Variants in PHF12 observed in about 807,000 individuals in gnomAD.
PHF12 encodes PHD finger protein 12.
PHF12 carries 6 observed loss-of-function variants against 99.8 expected under a neutral mutation model. The observed-to-expected ratio is 0.06, with a 90% CI of 0.03 to 0.12. PHF12 has a LOEUF of 0.12. PHF12 is among the 10% of genes least tolerant of loss of function. The pLI, the probability that PHF12 is intolerant of heterozygous loss-of-function variation, is 1.00. For synonymous variants in PHF12, 480 were observed against 514.9 expected (o/e 0.93, Z 0.92); for missense variants, 954 against 1,300.1 (o/e 0.73, Z 4.09).
In PHF12 at chr17:28,907,581, G is replaced by A. The variant is rs368783828; in HGVS notation, c.2541+9C>T. On this transcript the variant is annotated intron_variant, in intron 13 of 14. Transcript: ENST00000332830. ...GAAAGCTCCCTCCCACCGCATCTCC[G>A]GCCCTCACCTCATCGTAGAATATGC... The A allele has an allele frequency of 4.4e-5, 71 of 1,613,596 alleles. No homozygotes were observed. In the South Asian group the frequency reaches 4.8e-4, roughly 11 times the overall value.
intron 3 of PHF12, 139 bp from the exon 4 acceptor site, chr17:28,924,441 A>G: frequency 8.7e-7 from 1 of 1,155,764 alleles, no homozygotes. Context: ...GGTCACTTGG[A>G]ACACTGGTCT....
Position 28,917,347 on chromosome 17 carries a change from T to C in PHF12, c.1072A>G (p.Ile358Val), listed in dbSNP as rs1251537798. Residue 358 changes from isoleucine to valine, a missense_variant, in exon 7 of 15, where the codon ATC (isoleucine) becomes GTC (valine). By Grantham distance (29) the Ile-to-Val change is conservative. Coordinates refer to ENST00000332830, the MANE Select transcript of PHF12 (RefSeq NM_001033561.2). The part of the protein sequence containing the change: ...HVVKVDFLNR[I>V]HKKHPPNRRV... The stretch of plus-strand genomic sequence containing the variant: ...CGGTTAGGGGGGTGCTTCTTGTGGA[T>C]TCGGTTCAGGAAGTCCACTTTGACG... 6.2e-7 allele frequency: 1 copy of C among 1,613,992 alleles called. No individual in the cohort carries two copies. Among genetic ancestry groups the C allele is most frequent in the Non-Finnish European group, 8.5e-7 (1 of 1,180,024 alleles).
intron 2 of PHF12, among the ~76,000 whole-genome samples, chr17:28,932,900 C>T (rs1233099406): frequency 1.3e-5 from 2 of 151,976 alleles, no homozygotes; most frequent in African/African-American, 2.4e-5. Context: ...GAGCCGAGAC[C>T]GCATCACTGC....
chr17:28,913,043 G>T lies in PHF12; in HGVS notation c.1528C>A (p.Pro510Thr). The change falls in exon 9 of 15, where the codon CCA becomes ACA. Residue 510 changes from proline to threonine, a missense_variant. Around this residue, in one of 8 missense-constraint regions of PHF12, gnomAD observed 392 missense variants for 423.1 expected, o/e 0.93. Transcript: ENST00000332830. ...TCTAGGGCTGGGGACTGGTGGGGTG[G>T]AGAGCAGCTCAGGGAATTCTGGGTG... ...ISTQNSLSCSPPHQSPALEDI... is the reference protein window; with the variant it reads ...ISTQNSLSCSTPHQSPALEDI... 5.6e-6 allele frequency: 9 copies of T among 1,614,174 alleles called. No individual in the cohort carries two copies. Among genetic ancestry groups the T allele is most frequent in the Non-Finnish European group, 7.6e-6 (9 of 1,180,026 alleles).
chr17:28,908,661 G>C, intron 12 of PHF12, 122 bp downstream of exon 12: 1 of 910,740 alleles, frequency 1.1e-6, no homozygotes, highest in Non-Finnish European at 1.7e-6. Context: ...GCTATCCACT[G>C]ATTTAAAGCA....
intron 2 of PHF12, chr17:28,945,150 C>T (rs1598164101): frequency 6.6e-6 from 1 of 152,300 alleles, no homozygotes; most frequent in East Asian, 1.9e-4. Context: ...GGTCCCACTA[C>T]TTGGGAGGCT....
Position 28,950,954 on chromosome 17 carries a change from C to G in PHF12, c.7G>C (p.Glu3Gln), listed in dbSNP as rs1350668186. MW[E>Q]KMETKTIVYD... Reference sequence around the variant, plus strand: ...ACGATCGTCTTGGTCTCCATTTTCTCCCACATTCATCCACCTCCCGGGCTG... The same window carrying G: ...ACGATCGTCTTGGTCTCCATTTTCTGCCACATTCATCCACCTCCCGGGCTG... Residue 3 changes from glutamate (E) to glutamine (Q), a missense_variant, in exon 1 of 15, where the codon GAG becomes CAG. Transcript: ENST00000332830. This position sits in a 1 kb window ranked among gnomAD's most constrained non-coding sequence, Gnocchi z 5.7. 3 of 1,613,820 alleles carry G rather than the reference C, an allele frequency of 1.9e-6. No individual in the cohort carries two copies. The highest frequency in any genetic ancestry group is 2.5e-6 in the Non-Finnish European group (3 of 1,179,912).
At chr17:28,934,581 CCTTTCTTTT>C (rs1459532013) in intron 2 of PHF12, among the ~76,000 whole-genome samples, 7 of 151,426 alleles carry the variant, frequency 4.6e-5, no homozygotes, top group African/African-American at 1.7e-4. Flanking sequence ...AGTGTTTGAA[CCTTTCTTTT>C]CTTTCTTTTT....
intron 2 of PHF12, among the ~76,000 whole-genome samples, chr17:28,928,827 G>A (rs2040333677): frequency 1.3e-5 from 2 of 151,942 alleles, no homozygotes; most frequent in South Asian, 4.1e-4. Flanking sequence ...GCCAGGCATG[G>A]TGGCTTACAC....
chr17:28,908,705 C>A, intron 12 of PHF12, 78 bp downstream of exon 12: 1 of 1,450,480 alleles, frequency 6.9e-7, no homozygotes, highest in Non-Finnish European at 9.6e-7. Context: ...TCACCCCTTT[C>A]TAACTTCTGT....
chr17:28,929,156 T>C (rs1356837803), intron 2 of PHF12, among the ~76,000 whole-genome samples: 19 of 151,668 alleles, frequency 1.3e-4, no homozygotes, highest in Non-Finnish European at 2.9e-5. Context: ...ATTCCTACCA[T>C]TGAGTTCTTG....
At chr17:28,943,793 T>C (rs1191225243) in intron 2 of PHF12, among the ~76,000 whole-genome samples, 1 of 152,234 alleles carries the variant, frequency 6.6e-6, no homozygotes, top group African/African-American at 2.4e-5. Context: ...CAATGGAATA[T>C]TGTTTAGCCA....
chr17:28,920,890 T>C (rs2040151078), intron 5 of PHF12, among the ~76,000 whole-genome samples: 1 of 151,452 alleles, frequency 6.6e-6, no homozygotes, highest in Non-Finnish European at 1.5e-5. Context: ...ATTTATTTTT[T>C]TGAGACGGAG....
intron 2 of PHF12, among the ~76,000 whole-genome samples, chr17:28,940,005 C>A (rs1465474475): frequency 6.6e-6 from 1 of 152,252 alleles, no homozygotes; most frequent in Non-Finnish European, 1.5e-5. Context: ...TTGCTCCCTG[C>A]CCTGCTGTTA....
At chr17:28,909,815 T>C in intron 11 of PHF12, 1 of 528,804 alleles carries the variant, frequency 1.9e-6, no homozygotes, top group Non-Finnish European at 3.4e-6. Context: ...GGTCTCCAAC[T>C]CCTGGGCTCA....
intron 2 of PHF12, among the ~76,000 whole-genome samples, chr17:28,938,682 T>C (rs1303672213): frequency 1.3e-5 from 2 of 152,142 alleles, no homozygotes; most frequent in African/African-American, 4.8e-5. Context: ...CCCCTACTTT[T>C]ACCCTTACCC....
Position 28,921,713 on chromosome 17 carries a change from C to A in PHF12, c.811G>T (p.Val271Phe). Residue 271 changes from valine to phenylalanine, a missense_variant, in exon 5 of 15, where the codon GTC (valine) becomes TTC (phenylalanine). This residue lies in a region of PHF12 where 85 missense variants were observed against 196.6 expected (regional missense o/e 0.43). Transcript: ENST00000332830. ...LDHNGLVPLP[V>F]KVCFTCNRSC... ...CTGTTACACGTGAAGCAGACTTTGA[C>A]GGGTAAGGGAACGAGACCATTGTGA... The A allele has an allele frequency of 6.2e-7, 1 of 1,614,056 alleles. No individual in the cohort carries two copies. The highest frequency in any genetic ancestry group is 1.7e-5 in the Admixed American group (1 of 60,020).
chr17:28,940,495 C>CT (rs1411492360), intron 2 of PHF12, among the ~76,000 whole-genome samples: 27 of 152,322 alleles, frequency 1.8e-4, no homozygotes, highest in Admixed American at 1.6e-3. Context: ...TCCACAACAG[C>CT]TCTATGTAGT....
chr17:28,924,523 T>C (rs2040230783), intron 3 of PHF12: 3 of 616,142 alleles, frequency 4.9e-6, no homozygotes, highest in Non-Finnish European at 8.5e-6. Context: ...CCAAAAAGCA[T>C]GGTAAGTTAG....
Sources: gnomAD v4.1 joint callset for allele counts (sites outside exome capture counted in the v4.1 genomes callset) on GRCh38, gnomAD v4.1.1 for gene constraint, gnomAD v4.1.1 regional missense constraint, Gnocchi (gnomAD v3.1) non-coding constraint, MANE v1.5 for transcripts, NCBI Gene and HGNC (gene_info 2026-07-23, HGNC 2026-07-21) for gene names.